Variants in MAGI1 observed in about 807,000 individuals in gnomAD.
The protein encoded by MAGI1 is membrane associated guanylate kinase, WW and PDZ domain containing 1.
In MAGI1, 58 loss-of-function variants were observed where a neutral mutation model predicts 139.9. That is an observed-to-expected ratio of 0.41 (90% CI 0.34 to 0.52). The LOEUF is 0.52. Among genes scored for constraint, MAGI1 ranks in the 20% least tolerant of loss-of-function variants. The pLI, the probability that MAGI1 is intolerant of heterozygous loss-of-function variation, is 0.12. For synonymous variants in MAGI1, 812 were observed against 737.9 expected, an observed-to-expected ratio of 1.10 and a Z score of -1.63; for missense variants, 1,874 against 1,901.6, an observed-to-expected ratio of 0.99 and a Z score of 0.27.
intron 1 of MAGI1, among the ~76,000 whole-genome samples, chr3:65,804,429 T>C (rs921699696): frequency 1.7e-4 from 26 of 151,652 alleles, no homozygotes; most frequent in African/African-American, 6.1e-4. Context: ...TTGATATGAA[T>C]TGATATAAAT....
intron 13 of MAGI1, among the ~76,000 whole-genome samples, chr3:65,398,596 T>C (rs1167066231): frequency 1.3e-5 from 2 of 152,138 alleles, no homozygotes; most frequent in Non-Finnish European, 2.9e-5. Flanking sequence ...TGGTGTGATA[T>C]TTAGTTTTAA....
rs756058727 is a variant in MAGI1 at position 65,356,627 on chromosome 3, C to G, written c.4140G>C (p.Gln1380His). The G allele has an allele frequency of 6.3e-7, 1 of 1,591,172 alleles. No homozygotes were observed. Among genetic ancestry groups the G allele is most frequent in the Non-Finnish European group, 8.5e-7 (1 of 1,171,094 alleles). ...CTCTCCTGCGCTCGGGGGACCTCCT[C>G]TGCTCCAGGAGTCTCTCCAGAGACC... Reference protein sequence around the residue: ...RRRSLERLLEQRRSPERRRGG... With the variant: ...RRRSLERLLEHRRSPERRRGG... Residue 1380 changes from glutamine to histidine, a missense_variant, in exon 23 of 23, where the codon CAG becomes CAC. Transcript: ENST00000402939.
intron 10 of MAGI1, among the ~76,000 whole-genome samples, chr3:65,432,799 T>C (rs1947562268): frequency 6.6e-6 from 1 of 152,084 alleles, no homozygotes; most frequent in South Asian, 2.1e-4. Context: ...GCCTACACTC[T>C]TGTAGCAGGT....
intron 1 of MAGI1, among the ~76,000 whole-genome samples, chr3:65,741,420 C>A (rs1027657571): frequency 1.3e-5 from 2 of 152,146 alleles, no homozygotes; most frequent in African/African-American, 4.8e-5. Flanking sequence ...CTGATCCGCC[C>A]GCCTCGGCCT....
intron 1 of MAGI1, among the ~76,000 whole-genome samples, chr3:65,927,536 C>T (rs1053359085): frequency 6.6e-6 from 1 of 152,200 alleles, no homozygotes; most frequent in Non-Finnish European, 1.5e-5. Flanking sequence ...GCATTAACAA[C>T]TAAGGATGTC....
At chr3:65,808,992 C>T (rs1425070837) in intron 1 of MAGI1, among the ~76,000 whole-genome samples, 2 of 152,114 alleles carry the variant, frequency 1.3e-5, no homozygotes, top group Non-Finnish European at 1.5e-5. Context: ...GAGAGTAATA[C>T]TCAGAGTGTG....
chr3:65,787,535 C>T (rs540470943), intron 1 of MAGI1, among the ~76,000 whole-genome samples: 2 of 149,972 alleles, frequency 1.3e-5, no homozygotes, highest in Non-Finnish European at 3.0e-5. Context: ...TCATATTCCT[C>T]AAAATTACTC....
At chr3:65,488,436 A>C (rs531122018) in intron 3 of MAGI1, among the ~76,000 whole-genome samples, 1 of 151,550 alleles carries the variant, frequency 6.6e-6, no homozygotes, top group East Asian at 2.0e-4. Context: ...TCTTGGGTTC[A>C]AGTGATTCTC....
At chr3:65,975,371 T>C (rs1421257131) in intron 1 of MAGI1, among the ~76,000 whole-genome samples, 5 of 152,212 alleles carry the variant, frequency 3.3e-5, no homozygotes, top group South Asian at 4.1e-4. Context: ...TACCAGCATA[T>C]TGAAATGCTG....
chr3:65,900,966 T>G (rs1360007152), intron 1 of MAGI1, among the ~76,000 whole-genome samples: 1 of 152,144 alleles, frequency 6.6e-6, no homozygotes. Flanking sequence ...AAGAATGAAG[T>G]AAGAGCGCAT....
intron 1 of MAGI1, among the ~76,000 whole-genome samples, chr3:65,876,354 C>T (rs76841349): frequency 1.3e-5 from 2 of 151,732 alleles, no homozygotes; most frequent in Non-Finnish European, 2.9e-5. Flanking sequence ...ACCACCCCCC[C>T]CAAAAAAGGC....
chr3:66,020,200 G>A (rs9863993), intron 1 of MAGI1, among the ~76,000 whole-genome samples: 5,100 of 152,266 alleles, frequency 0.033, 290 homozygotes, highest in African/African-American at 0.12. Context: ...AGCACTTTGC[G>A]AGGCTGAGGC....
intron 18 of MAGI1, among the ~76,000 whole-genome samples, chr3:65,366,104 T>C (rs1941393786): frequency 6.6e-6 from 1 of 152,206 alleles, no homozygotes; most frequent in African/African-American, 2.4e-5. Flanking sequence ...GTGTGCCTTA[T>C]TTTTCTCATC....
intron 1 of MAGI1, among the ~76,000 whole-genome samples, chr3:66,031,530 G>A (rs763385741): frequency 6.6e-6 from 1 of 152,090 alleles, no homozygotes; most frequent in Non-Finnish European, 1.5e-5. Context: ...CAATGACAAG[G>A]GGTGGCCACT....
At chr3:65,777,238 T>C (rs982984097) in intron 1 of MAGI1, among the ~76,000 whole-genome samples, 2 of 152,186 alleles carry the variant, frequency 1.3e-5, no homozygotes, top group African/African-American at 2.4e-5. Context: ...CTCAGAGAAG[T>C]TCCTTAGCCT....
intron 2 of MAGI1, among the ~76,000 whole-genome samples, chr3:65,520,414 C>A (rs1353614861): frequency 6.6e-6 from 1 of 152,166 alleles, no homozygotes; most frequent in African/African-American, 2.4e-5. Context: ...TATCACTTAA[C>A]AGGTAACCCT....
intron 2 of MAGI1, among the ~76,000 whole-genome samples, chr3:65,512,384 A>T (rs1299433356): frequency 7.5e-5 from 11 of 147,218 alleles, no homozygotes; most frequent in Admixed American, 1.4e-4. Context: ...TTTTGAAAGG[A>T]TCAACAAGAT....
Position 65,686,796 on chromosome 3 carries a change from G to A in MAGI1, c.314-64708C>T, listed in dbSNP as rs1446038969. Among the ~76,000 whole-genome samples the A allele has an allele frequency of 3.3e-5, 5 of 152,182 alleles. No homozygotes were observed. The East Asian group carries it at 5.8e-4, about 18-fold the overall frequency. ...TCACATAAAAACAAATGCACAGTAT[G>A]TTTTTTATAGTTTTAATACACATCA... On this transcript the variant is annotated intron_variant, in intron 1 of 22. Coordinates refer to ENST00000402939, the MANE Select transcript of MAGI1 (RefSeq NM_001033057.2).
chr3:65,922,796 A>T (rs2062276114), intron 1 of MAGI1, among the ~76,000 whole-genome samples: 1 of 152,210 alleles, frequency 6.6e-6, no homozygotes, highest in Non-Finnish European at 1.5e-5. Context: ...CAGTAATAAG[A>T]ACCAGCCAGT....
Sources: allele counts gnomAD v4.1 joint callset (sites outside exome capture counted in the v4.1 genomes callset), GRCh38; gene constraint gnomAD v4.1.1; transcripts MANE v1.5; gene names NCBI Gene and HGNC (gene_info 2026-07-23, HGNC 2026-07-21).